Variants in FANCA observed in about 807,000 individuals in gnomAD.
The protein encoded by FANCA is Fanconi anemia group A protein.
In FANCA, 236 loss-of-function variants were observed where a neutral mutation model predicts 194.3. The observed-to-expected ratio is 1.21, with a 90% confidence interval of 1.09 to 1.35. FANCA has a LOEUF of 1.35. Ranked by LOEUF, FANCA falls within the 40% of genes most tolerant of loss-of-function variation. FANCA has a pLI of 0.00. For missense variants in FANCA, 2,628 were observed against 1,813.9 expected (o/e 1.45, Z -8.15); for synonymous variants, 1,014 against 715.8 (o/e 1.42, Z -6.65).
chr16:89,791,319 GA>G, intron 14 of FANCA, 83 bp downstream of exon 14: 3 of 1,544,626 alleles, frequency 1.9e-6, no homozygotes, highest in Non-Finnish European at 2.6e-6. Context: ...ACATGACAGA[GA>G]ATCAGGTGGG....
chr16:89,758,613 G>C lies in FANCA; in HGVS notation c.2945C>G (p.Thr982Ser), dbSNP rs772577909. 6 of 1,614,010 alleles carry C rather than the reference G, an allele frequency of 3.7e-6. No individual in the cohort carries two copies. The highest frequency in any genetic ancestry group is 1.7e-4 in the Middle Eastern group (1 of 6,058). ...GCDGDLQAACTILVNALMDFH... is the reference protein window; with the variant it reads ...GCDGDLQAACSILVNALMDFH... ...ATCCATCAGTGCGTTGACAAGAATG[G>C]TACACGCAGCCTGCAGGTCTCCGTC... Residue 982 changes from threonine (T) to serine (S), a missense_variant, in exon 30 of 43, where the codon ACC (threonine) becomes AGC (serine). By Grantham distance (58) the Thr-to-Ser change is moderately conservative (BLOSUM62 1). Transcript: ENST00000389301.
chr16:89,766,507 C>G (rs796863404), intron 27 of FANCA, among the ~76,000 whole-genome samples: 1 of 151,574 alleles, frequency 6.6e-6, no homozygotes, highest in Non-Finnish European at 1.5e-5. Flanking sequence ...GTCAGGAGTT[C>G]GAAAACAGCC....
intron 31 of FANCA, 87 bp downstream of exon 31, chr16:89,752,051 T>G: frequency 2.8e-5 from 34 of 1,204,502 alleles, no homozygotes; most frequent in Non-Finnish European, 4.0e-5. Context: ...ATTACAGGCG[T>G]GAGCCACCGC....
In FANCA at chr16:89,807,874, C is replaced by G. The variant is rs1381533262; in HGVS notation, c.596+420G>C. 3.3e-5 allele frequency among the ~76,000 whole-genome samples: 5 copies of G among 151,632 alleles called. No individual in the cohort carries two copies. In the Middle Eastern group the frequency reaches 0.01, roughly 309 times the overall value. The stretch of plus-strand genomic sequence containing the variant: ...CTCCAGCCTGGGTGACAGAACGAGA[C>G]TCTGTCCCTAAAAAAAATAAATACA... On this transcript the variant is annotated intron_variant, in intron 6 of 42. Transcript: ENST00000389301.
intron 17 of FANCA, among the ~76,000 whole-genome samples, chr16:89,782,301 G>A (rs941633611): frequency 6.6e-6 from 1 of 151,648 alleles, no homozygotes; most frequent in Non-Finnish European, 1.5e-5. Flanking sequence ...CACAAGGTCA[G>A]GAGATTGAGA....
intron 36 of FANCA, 154 bp downstream of exon 36, chr16:89,744,805 C>T (rs2062207174): frequency 1.4e-6 from 1 of 736,940 alleles, no homozygotes; most frequent in Non-Finnish European, 2.4e-6. Flanking sequence ...TACAGGCGCC[C>T]ACCACCACGA....
At position 89,792,374 on chromosome 16, in the gene FANCA, G is replaced by A. The variant is rs1294714133; in HGVS notation, c.1083+97C>T. On this transcript the variant is annotated intron_variant, in intron 12 of 42. Coordinates refer to ENST00000389301, the MANE Select transcript of FANCA (RefSeq NM_000135.4). Reference sequence around the variant, plus strand: ...CTCACCAGACATCCCTGAACCTCTCGATGTGCCGTCCACGGCAGGCAGCAT... The same window carrying A: ...CTCACCAGACATCCCTGAACCTCTCAATGTGCCGTCCACGGCAGGCAGCAT... 14 of 1,296,676 alleles carry A rather than the reference G, an allele frequency of 1.1e-5. 1 individual carries two copies. The highest frequency in any genetic ancestry group is 1.1e-4 in the South Asian group (9 of 83,930). 80.3% of individuals were successfully genotyped at this position (1,296,676 alleles called of 1,614,324 possible).
In FANCA at chr16:89,784,921, T is replaced by C. The variant is rs1598140745; in HGVS notation, c.1403A>G (p.Lys468Arg). The change falls in exon 15 of 43, where the codon AAG (lysine) becomes AGG (arginine). Residue 468 changes from lysine to arginine, a missense_variant. Physicochemically the swap from Lys to Arg is conservative, Grantham distance 26. Coordinates refer to ENST00000389301, the MANE Select transcript of FANCA (RefSeq NM_000135.4). Reference protein sequence around the residue: ...STRGYHGCSKKALVFLFTFLS... With the variant: ...STRGYHGCSKRALVFLFTFLS... ...GAACGTAAACAGGAAGACCAGGGCC[T>C]TCTTGCTGCAGCCATGGTAGCCTCG... 6.2e-7 allele frequency: 1 copy of C among 1,614,144 alleles called. No individual in the cohort carries two copies. Among genetic ancestry groups the C allele is most frequent in the Non-Finnish European group, 8.5e-7 (1 of 1,180,010 alleles).
At chr16:89,792,905 G>C (rs1598154427) in intron 11 of FANCA, among the ~76,000 whole-genome samples, 2 of 152,174 alleles carry the variant, frequency 1.3e-5, no homozygotes. Flanking sequence ...GAGAGGGAGA[G>C]GAGATAGAGA....
At chr16:89,769,571 G>C (rs2039249133) in intron 26 of FANCA, 3 of 502,898 alleles carry the variant, frequency 6.0e-6, no homozygotes, top group South Asian at 2.1e-5. Context: ...ATCAAAGAAT[G>C]CTTAACGATA....
intron 10 of FANCA, chr16:89,798,659 T>A: frequency 8.1e-7 from 1 of 1,238,784 alleles, no homozygotes; most frequent in South Asian, 1.9e-5. Context: ...TGTAAGGGTC[T>A]CCGCACATCT....
At chr16:89,739,350 C>G in intron 40 of FANCA, 61 bp from the exon 41 acceptor site, 1 of 1,603,586 alleles carries the variant, frequency 6.2e-7, no homozygotes, top group Non-Finnish European at 8.5e-7. Context: ...CAGGTGATGC[C>G]AAGGGATACT....
At chr16:89,755,029 ATG>A (rs1309025138) in intron 30 of FANCA, among the ~76,000 whole-genome samples, 1 of 152,208 alleles carries the variant, frequency 6.6e-6, no homozygotes, top group Non-Finnish European at 1.5e-5. Flanking sequence ...CGCAGTGCAT[ATG>A]GACATACAGA....
intron 18 of FANCA, 116 bp from the exon 19 acceptor site, chr16:89,779,119 G>A (rs1160844276): frequency 2.2e-6 from 2 of 915,728 alleles, no homozygotes; most frequent in Admixed American, 2.0e-5. Flanking sequence ...AAGCCACGAT[G>A]CATTATGAAG....
At chr16:89,788,565 G>C (rs113104191) in intron 14 of FANCA, among the ~76,000 whole-genome samples, 2,196 of 152,328 alleles carry the variant, frequency 0.014, 43 homozygotes, top group South Asian at 0.097. Context: ...CGGGGGTTAA[G>C]GTGCGGGGAT....
rs2040335915 is a variant in FANCA, at chr16:89,798,764, T to C, written c.893+402A>G. 1.2e-5 allele frequency: 16 copies of C among 1,388,278 alleles called. No individual in the cohort carries two copies. The Middle Eastern group carries it at 8.2e-4, about 71-fold the overall frequency. The allele number at this position is 1,388,278 out of a possible 1,614,324, so 86.0% of individuals were successfully genotyped here. On this transcript the variant is annotated intron_variant, in intron 10 of 42. Coordinates refer to ENST00000389301, the MANE Select transcript of FANCA (RefSeq NM_000135.4). ...GTGGAGGCCAGGCAGCGGGAGTCTG[T>C]AGAGGCACAGCTACAGTGTGTTCTA...
At chr16:89,791,720 G>C in intron 13 of FANCA, 184 bp from the exon 14 acceptor site, 7 of 974,830 alleles carry the variant, frequency 7.2e-6, no homozygotes, top group Non-Finnish European at 1.1e-5. Flanking sequence ...GAATGAAGCA[G>C]CAGTGGACAC....
At chr16:89,786,424 A>C (rs1241000240) in intron 14 of FANCA, among the ~76,000 whole-genome samples, 1 of 151,924 alleles carries the variant, frequency 6.6e-6, no homozygotes, top group African/African-American at 2.4e-5. Context: ...CTCAGGTGAT[A>C]CCTTGGCCTC....
intron 8 of FANCA, among the ~76,000 whole-genome samples, chr16:89,801,456 A>G (rs1029711321): frequency 2.0e-5 from 3 of 152,194 alleles, no homozygotes; most frequent in African/African-American, 4.8e-5. Context: ...GAAAACAAAA[A>G]ATAACAAATG....
Sources: allele counts gnomAD v4.1 joint callset (sites outside exome capture counted in the v4.1 genomes callset), GRCh38; gene constraint gnomAD v4.1.1; transcripts MANE v1.5; gene names NCBI Gene and HGNC (gene_info 2026-07-23, HGNC 2026-07-21).